REXO1: variants seen among roughly 807,000 people sequenced by gnomAD.
REXO1 encodes the protein RNA exonuclease 1 homolog, also known as REX1, RNA exonuclease 1 homolog.
In REXO1, 42 loss-of-function variants were observed where a neutral mutation model predicts 102.6. That is an observed-to-expected ratio of 0.41 (90% CI 0.32 to 0.53). REXO1 has a LOEUF of 0.53. Ranked by LOEUF, REXO1 falls within the 20% of genes least tolerant of loss-of-function variation. The probability of loss-of-function intolerance (pLI) is 0.27; values close to 1 mark genes in which losing one functional copy is unlikely to be tolerated. For missense variants in REXO1, 1,819 were observed against 1,732.5 expected (o/e 1.05, Z -0.89); for synonymous variants, 908 against 779.1 (o/e 1.17, Z -2.76).
At chr19:1,830,227 G>A (rs1421007240) in intron 1 of REXO1, among the ~76,000 whole-genome samples, 1 of 152,218 alleles carries the variant, frequency 6.6e-6, no homozygotes, top group Non-Finnish European at 1.5e-5. Context: ...TACTGAGCAC[G>A]GCCAGGCACA....
In REXO1 at chr19:1,821,589, A is replaced by G; in HGVS notation, c.2324T>C (p.Leu775Ser). 6.2e-7 allele frequency: 1 copy of G among 1,613,870 alleles called. No individual in the cohort carries two copies. Among genetic ancestry groups the G allele is most frequent in the South Asian group, 1.1e-5 (1 of 91,080 alleles). ...PGGQQLKTRT[L>S]SGMASKTTTT... Reference sequence around the variant, plus strand: ...GGTAGTCTTGGACGCCATCCCCGACAATGTGCGTGTTTTCAGCTGCTGGCC... The same window carrying G: ...GGTAGTCTTGGACGCCATCCCCGACGATGTGCGTGTTTTCAGCTGCTGGCC... The change falls in exon 5 of 16, where the codon TTG becomes TCG. Residue 775 changes from leucine to serine, a missense_variant. Physicochemically the swap from Leu to Ser is moderately radical, Grantham distance 145. Transcript: ENST00000170168.
At chr19:1,835,301 T>C (rs932235890) in intron 1 of REXO1, among the ~76,000 whole-genome samples, 3 of 151,994 alleles carry the variant, frequency 2.0e-5, no homozygotes, top group Admixed American at 6.5e-5. Flanking sequence ...GCTAGCACTT[T>C]GGGAGGCGGA....
At chr19:1,833,695 C>G (rs970838259) in intron 1 of REXO1, among the ~76,000 whole-genome samples, 5 of 152,222 alleles carry the variant, frequency 3.3e-5, no homozygotes, top group African/African-American at 1.2e-4. Context: ...CGGCTCCTCC[C>G]TGACCCAGCC....
Position 1,827,562 on chromosome 19 carries a change from C to T in REXO1, c.1227G>A (p.Glu409=). 6.3e-7 allele frequency: 1 copy of T among 1,595,302 alleles called. No individual in the cohort carries two copies. Among genetic ancestry groups the T allele is most frequent in the Non-Finnish European group, 8.5e-7 (1 of 1,176,538 alleles). Residue 409 remains glutamate (E), a synonymous_variant, in exon 2 of 16, where the codon GAG becomes GAA. Coordinates refer to ENST00000170168, the MANE Select transcript of REXO1 (RefSeq NM_020695.4). ...TKDKGRGRPV[E]KPRADKKGPQ... is the part of the protein sequence containing the mutation. Reference sequence around the variant, plus strand: ...GGCCCTTCTTGTCCGCACGGGGCTTCTCCACAGGCCGCCCTCGGCCCTTGT... The same window carrying T: ...GGCCCTTCTTGTCCGCACGGGGCTTTTCCACAGGCCGCCCTCGGCCCTTGT...
In REXO1 at chr19:1,816,069, T is replaced by C. The variant is rs890883731; in HGVS notation, c.3663A>G (p.Arg1221=). The C allele has an allele frequency of 1.9e-5, 30 of 1,543,044 alleles. No homozygotes were observed. The highest frequency in any genetic ancestry group is 2.6e-5 in the Non-Finnish European group (30 of 1,146,938). ...GCGGGTGGGAGGCGGGCAGGCGTCA[T>C]CGCTTGGTCTTGGCGTCTTCTCGAA... The part of the protein sequence containing the change: ...WKVREDAKTK[R] The change falls in exon 16 of 16, where the codon CGA becomes CGG. Residue 1221 remains arginine (R), a synonymous_variant. Transcript: ENST00000170168.
chr19:1,818,465 C>G lies in REXO1; in HGVS notation c.3016+17G>C. 2 of 1,570,282 alleles carry G rather than the reference C, an allele frequency of 1.3e-6. No individual in the cohort carries two copies. Among genetic ancestry groups the G allele is most frequent in the African/African-American group, 2.7e-5 (2 of 74,018 alleles). ...GGGCCATGGGTGGGAAGGGGAAGGACCCGGGTAAGGCCTTACCCCGGTTCC... is the reference window on the plus strand; with the variant it reads ...GGGCCATGGGTGGGAAGGGGAAGGAGCCGGGTAAGGCCTTACCCCGGTTCC... On this transcript the variant is annotated intron_variant, in intron 10 of 15. Transcript: ENST00000170168.
intron 5 of REXO1, among the ~76,000 whole-genome samples, chr19:1,821,129 C>T (rs530906152): frequency 1.3e-5 from 2 of 152,108 alleles, no homozygotes; most frequent in East Asian, 1.9e-4. Context: ...GGGTGGATCA[C>T]GAGGTCAGAA....
intron 1 of REXO1, among the ~76,000 whole-genome samples, chr19:1,838,339 C>T (rs1467751015): frequency 6.7e-6 from 1 of 149,674 alleles, no homozygotes; most frequent in Non-Finnish European, 1.5e-5. Flanking sequence ...AAAAAACCAG[C>T]TGGGCGTGGT....
chr19:1,833,008 CTGCT>C (rs2069947410), intron 1 of REXO1, among the ~76,000 whole-genome samples: 1 of 151,542 alleles, frequency 6.6e-6, no homozygotes, highest in Non-Finnish European at 1.5e-5. Context: ...GATGAGCAGA[CTGCT>C]TGAGTTCAAG....
At chr19:1,830,554 C>G (rs192203767) in intron 1 of REXO1, among the ~76,000 whole-genome samples, 102 of 152,334 alleles carry the variant, frequency 6.7e-4, no homozygotes, top group African/African-American at 2.1e-3. Context: ...TCCGTAACAT[C>G]TCTAAAGGTC....
chr19:1,827,948 T>C lies in REXO1; in HGVS notation c.841A>G (p.Ser281Gly), dbSNP rs2069788884. The C allele has an allele frequency of 6.2e-7, 1 of 1,613,702 alleles. No individual in the cohort carries two copies. Among genetic ancestry groups the C allele is most frequent in the Non-Finnish European group, 8.5e-7 (1 of 1,179,866 alleles). ...GAGTCTGAGAACCTTGCATCGCAACTGCCAAAGGGGTCACAGAGCTTCTTG... is the reference window on the plus strand; with the variant it reads ...GAGTCTGAGAACCTTGCATCGCAACCGCCAAAGGGGTCACAGAGCTTCTTG... ...APKKLCDPFG[S>G]CDARFSDSED... The change falls in exon 2 of 16, where the codon AGT (serine) becomes GGT (glycine). Residue 281 changes from serine to glycine, a missense_variant. Physicochemically the swap from Ser to Gly is moderately conservative, Grantham distance 56 (BLOSUM62 0). Coordinates refer to ENST00000170168, the MANE Select transcript of REXO1 (RefSeq NM_020695.4).
At chr19:1,833,572 G>A (rs1050596573) in intron 1 of REXO1, among the ~76,000 whole-genome samples, 3 of 152,208 alleles carry the variant, frequency 2.0e-5, no homozygotes, top group East Asian at 1.9e-4. Context: ...GGATGCTCCC[G>A]GCAGGGAAAC....
In REXO1 at chr19:1,827,973, G is replaced by A. The variant is rs760972935; in HGVS notation, c.816C>T (p.Pro272=). The change falls in exon 2 of 16, where the codon CCC becomes CCT. Residue 272 remains proline, a synonymous_variant. Transcript: ENST00000170168. ...SRGSEPYTPA[P]KKLCDPFGSC... ...TGCCAAAGGGGTCACAGAGCTTCTT[G>A]GGAGCAGGTGTGTAGGGCTCACTGC... 4 of 1,613,466 alleles carry A rather than the reference G, an allele frequency of 2.5e-6. No individual in the cohort carries two copies. The African/African-American group carries it at 5.3e-5, about 22-fold the overall frequency.
intron 1 of REXO1, among the ~76,000 whole-genome samples, chr19:1,840,354 G>C (rs532471947): frequency 2.0e-5 from 3 of 152,192 alleles, no homozygotes; most frequent in East Asian, 1.9e-4. Flanking sequence ...ATGAGTCTCT[G>C]TGGGAACAGG....
chr19:1,816,191 C>A lies in REXO1; in HGVS notation c.3577+34G>T, dbSNP rs750340588. The A allele has an allele frequency of 1.3e-5, 21 of 1,566,104 alleles. No homozygotes were observed. In the Middle Eastern group the frequency reaches 2.0e-3, roughly 149 times the overall value. On this transcript the variant is annotated intron_variant, in intron 15 of 15. Coordinates refer to ENST00000170168, the MANE Select transcript of REXO1 (RefSeq NM_020695.4). Reference sequence around the variant, plus strand: ...ATGCGGTGAGCACCCGGCCCCTGCGCAGGGACGGCCCCAGGGCAGGCACCG... The same window carrying A: ...ATGCGGTGAGCACCCGGCCCCTGCGAAGGGACGGCCCCAGGGCAGGCACCG...
intron 5 of REXO1, among the ~76,000 whole-genome samples, chr19:1,821,100 C>T (rs868270210): frequency 3.0e-4 from 46 of 152,050 alleles, no homozygotes; most frequent in Middle Eastern, 6.9e-3. Flanking sequence ...GTAATCCCAG[C>T]ACTTTGGGAG....
In REXO1 at chr19:1,816,012, T is replaced by TGG. The variant is rs1166107530; in HGVS notation, c.*52_*53dup. 1 of 1,537,758 alleles carries TGG rather than the reference T, an allele frequency of 6.5e-7. No homozygotes were observed. On this transcript the variant is annotated 3_prime_UTR_variant, in exon 16 of 16. Transcript: ENST00000170168. The stretch of plus-strand genomic sequence containing the variant: ...TTATTGCACTGTTTTGGAAGAGGCA[T>TGG]GGGGCTAAGGACCAGCGGGACGGCA...
Position 1,823,757 on chromosome 19 carries a change from ACCGCGGGACCCCTCCTCGGGGGCT to A in REXO1, c.2021_2044del (p.Glu674_Ala681del). On this transcript the variant is annotated inframe_deletion, in exon 4 of 16. Coordinates refer to ENST00000170168, the MANE Select transcript of REXO1 (RefSeq NM_020695.4). ...CGCCGTCGGGGGCCGGGCCGGGGGC[ACCGCGGGACCCCTCCTCGGGGGCT>A]CCACCTGCGTCACCACAAATGCTAA... 2.4e-6 allele frequency: 3 copies of A among 1,256,190 alleles called. No homozygotes were observed. The highest frequency in any genetic ancestry group is 3.0e-6 in the Non-Finnish European group (3 of 994,092). 77.8% of individuals were successfully genotyped at this position (1,256,190 alleles called of 1,614,324 possible).
At position 1,826,081 on chromosome 19, in the gene REXO1, A is replaced by G. The variant is rs931247252; in HGVS notation, c.1912-138T>C. On this transcript the variant is annotated intron_variant, in intron 2 of 15. Coordinates refer to ENST00000170168, the MANE Select transcript of REXO1 (RefSeq NM_020695.4). This position sits in a 1 kb window ranked among gnomAD's most constrained non-coding sequence, Gnocchi z 4.3. ...CACAGCAGCTGAGGGCTCAGGGCCA[A>G]CAGTCCCTGGGCTTTGTGTGGGTGC... is the stretch of plus-strand genomic sequence containing the variant. 1 of 647,796 alleles carries G rather than the reference A, an allele frequency of 1.5e-6. No homozygotes were observed. Among genetic ancestry groups the G allele is most frequent in the Admixed American group, 2.5e-5 (1 of 40,570 alleles). 40.1% of individuals were successfully genotyped at this position (647,796 alleles called of 1,614,324 possible).
Sources: gnomAD v4.1 joint callset for allele counts (sites outside exome capture counted in the v4.1 genomes callset) on GRCh38, gnomAD v4.1.1 for gene constraint, Gnocchi (gnomAD v3.1) non-coding constraint, MANE v1.5 for transcripts, NCBI Gene and HGNC (gene_info 2026-07-23, HGNC 2026-07-21) for gene names.